Variants in TOX2 observed in about 807,000 individuals in gnomAD.
TOX2 encodes granulosa cell HMG box 1.
TOX2 carries 15 observed loss-of-function variants against 47.4 expected under a neutral mutation model. That is an observed-to-expected ratio of 0.32 (90% CI 0.21 to 0.49). The LOEUF (loss-of-function observed/expected upper bound fraction) is 0.49, where lower values mean the gene tolerates loss of function less well. Among genes scored for constraint, TOX2 ranks in the 20% least tolerant of loss-of-function variants. The probability of loss-of-function intolerance (pLI) is 0.99; values close to 1 mark genes in which losing one functional copy is unlikely to be tolerated. For synonymous variants in TOX2, 290 were observed against 296.6 expected (o/e 0.98, Z 0.23); for missense variants, 622 against 673.1 (o/e 0.92, Z 0.84).
intron 3 of TOX2, among the ~76,000 whole-genome samples, chr20:44,044,705 G>C (rs1236582334): frequency 1.3e-5 from 2 of 152,148 alleles, no homozygotes; most frequent in Non-Finnish European, 2.9e-5. Flanking sequence ...AGCCACTGTG[G>C]AAAACAGTAT....
chr20:44,066,689 A>T (rs758705633), intron 7 of TOX2, 41 bp from the exon 8 acceptor site: 15 of 1,613,672 alleles, frequency 9.3e-6, no homozygotes, highest in Non-Finnish European at 1.1e-5. Flanking sequence ...CTGCCCCCTC[A>T]TCTCTCCTTG....
intron 3 of TOX2, among the ~76,000 whole-genome samples, chr20:44,044,818 C>G (rs1404229192): frequency 6.6e-6 from 1 of 152,210 alleles, no homozygotes; most frequent in African/African-American, 2.4e-5. Context: ...CCACGAGATA[C>G]TTGTGCACCC....
At chr20:43,985,596 G>T (rs1240745687) in intron 2 of TOX2, among the ~76,000 whole-genome samples, 3 of 152,164 alleles carry the variant, frequency 2.0e-5, no homozygotes, top group East Asian at 3.8e-4. Context: ...TTATTCTAGT[G>T]CTTGGTACAT....
At chr20:43,926,732 G>A (rs969817943) in intron 1 of TOX2, among the ~76,000 whole-genome samples, 1 of 152,186 alleles carries the variant, frequency 6.6e-6, no homozygotes, top group African/African-American at 2.4e-5. Flanking sequence ...CCCACAGGGA[G>A]TTTTTAAGGA....
chr20:43,971,825 G>A (rs1282867292), intron 1 of TOX2, among the ~76,000 whole-genome samples: 3 of 152,156 alleles, frequency 2.0e-5, no homozygotes, highest in South Asian at 4.1e-4. Context: ...AAAATAAAGT[G>A]CAAAACTGTA....
chr20:44,031,494 G>A (rs1318685151), intron 3 of TOX2, among the ~76,000 whole-genome samples: 1 of 152,086 alleles, frequency 6.6e-6, no homozygotes, highest in Non-Finnish European at 1.5e-5. Flanking sequence ...CCCCTTCTGC[G>A]TGGCAAGGTC....
At chr20:43,966,444 A>T (rs940683230) in intron 1 of TOX2, among the ~76,000 whole-genome samples, 3 of 152,188 alleles carry the variant, frequency 2.0e-5, no homozygotes, top group Non-Finnish European at 4.4e-5. Context: ...TTCCAGGCTC[A>T]TGGTGGGACG....
rs73908524 is a variant in TOX2 at position 44,067,754 on chromosome 20, G to A, written c.1485-896G>A. Among the ~76,000 whole-genome samples the A allele has an allele frequency of 8.0e-3, 1,225 of 152,228 alleles. 12 individuals are homozygous for A. The highest frequency in any genetic ancestry group is 0.027 in the African/African-American group (1,106 of 41,518). ...ACCTTTCAACAACCGCAGCCAGCAG[G>A]AGAGGGAGAGTGCAGTGAGGAGGGA... On this transcript the variant is annotated intron_variant, in intron 8 of 8. Transcript: ENST00000341197.
At chr20:43,946,137 T>G in intron 1 of TOX2, 1 of 1,511,360 alleles carries the variant, frequency 6.6e-7, no homozygotes, top group South Asian at 1.2e-5. Context: ...GGCAGGGACC[T>G]GGACTGGTGC....
intron 1 of TOX2, among the ~76,000 whole-genome samples, chr20:43,952,468 G>A (rs1037780012): frequency 2.6e-5 from 4 of 152,142 alleles, no homozygotes; most frequent in Non-Finnish European, 5.9e-5. Context: ...GTAGGGGTTG[G>A]GCTCTGCTCC....
chr20:44,058,310 C>T (rs2071657914), intron 5 of TOX2, among the ~76,000 whole-genome samples: 1 of 152,200 alleles, frequency 6.6e-6, no homozygotes, highest in Non-Finnish European at 1.5e-5. Context: ...TGGCTGCCAG[C>T]TTTCCCTCAC....
intron 1 of TOX2, among the ~76,000 whole-genome samples, chr20:43,943,797 T>C (rs2069431615): frequency 6.6e-6 from 1 of 152,238 alleles, no homozygotes; most frequent in Admixed American, 6.5e-5. Flanking sequence ...ACATGGCTTC[T>C]TGCAACATCA....
At chr20:43,936,368 G>A (rs1487369972) in intron 1 of TOX2, among the ~76,000 whole-genome samples, 2 of 152,234 alleles carry the variant, frequency 1.3e-5, no homozygotes, top group African/African-American at 2.4e-5. Flanking sequence ...TCCTGTATTG[G>A]TTGTGTATTG....
chr20:43,919,479 A>G lies in TOX2; in HGVS notation c.99+4489A>G, dbSNP rs146867382. Among the ~76,000 whole-genome samples, 24 of 152,324 alleles carry G rather than the reference A, an allele frequency of 1.6e-4. No individual in the cohort carries two copies. The East Asian group carries it at 4.4e-3, about 28-fold the overall frequency. On this transcript the variant is annotated intron_variant, in intron 1 of 8. Transcript: ENST00000341197. The stretch of plus-strand genomic sequence containing the variant: ...GTCTAGAATAGTGTTTCTCAAATCT[A>G]TGTACACATGAAGAATCAGCTGGCA...
intron 1 of TOX2, among the ~76,000 whole-genome samples, chr20:43,960,685 A>C (rs1311617924): frequency 6.6e-6 from 1 of 152,220 alleles, no homozygotes. Flanking sequence ...TTTCCATTTT[A>C]AAGCACATGC....
chr20:43,916,045 CTT>C lies in TOX2; in HGVS notation c.99+1056_99+1057del. ...GGTCGCCGGAGAGGGAACTTTCAAA[CTT>C]AGTTAGGAAGCCAGACTGTCCGCGC... On this transcript the variant is annotated intron_variant, in intron 1 of 8. Coordinates refer to ENST00000341197, the MANE Select transcript of TOX2 (RefSeq NM_001098797.2). The surrounding 1 kb of genome is among the most constrained non-coding windows in gnomAD (Gnocchi z 5.0). 1.7e-5 allele frequency: 15 copies of C among 894,356 alleles called. No individual in the cohort carries two copies. Among genetic ancestry groups the C allele is most frequent in the Non-Finnish European group, 1.9e-5 (14 of 746,900 alleles). 55.4% of individuals were successfully genotyped at this position (894,356 alleles called of 1,614,324 possible).
chr20:43,941,877 G>A (rs1405383548), intron 1 of TOX2, among the ~76,000 whole-genome samples: 1 of 152,208 alleles, frequency 6.6e-6, no homozygotes, highest in African/African-American at 2.4e-5. Flanking sequence ...AGCAATCTCA[G>A]AAGATTTGTC....
intron 1 of TOX2, among the ~76,000 whole-genome samples, chr20:43,924,381 T>TA (rs11086905): frequency 0.46 from 70,403 of 152,026 alleles, 17,061 homozygotes; most frequent in East Asian, 0.61. Flanking sequence ...AAGATGCTCT[T>TA]AGATGCTCCA....
At chr20:43,991,446 G>A (rs780234979) in intron 2 of TOX2, among the ~76,000 whole-genome samples, 1 of 152,112 alleles carries the variant, frequency 6.6e-6, no homozygotes, top group Non-Finnish European at 1.5e-5. Context: ...AGACGAAACT[G>A]TGAACAAAGC....
Sources: gnomAD v4.1 joint callset for allele counts (sites outside exome capture counted in the v4.1 genomes callset) on GRCh38, gnomAD v4.1.1 for gene constraint, Gnocchi (gnomAD v3.1) non-coding constraint, MANE v1.5 for transcripts, NCBI Gene and HGNC (gene_info 2026-07-23, HGNC 2026-07-21) for gene names.